The following ABCA8 variants were observed in gnomAD, a reference collection of about 807,000 sequenced individuals.
ABCA8 encodes the protein ATP binding cassette subfamily A member 8, also known as ABC-type organic anion transporter ABCA8.
In ABCA8, 177 loss-of-function variants were observed where a neutral mutation model predicts 192.3. The ratio of observed to expected loss-of-function variants is 0.92; its 90% CI spans 0.81 to 1.04. ABCA8 has a LOEUF of 1.04. Among genes scored for constraint, ABCA8 ranks in the 50% least tolerant of loss-of-function variants. The pLI, the probability that ABCA8 is intolerant of heterozygous loss-of-function variation, is 0.00. For missense variants in ABCA8, 1,915 were observed against 1,904.8 expected, an observed-to-expected ratio of 1.01 and a Z score of -0.10; for synonymous variants, 642 against 690.2, an observed-to-expected ratio of 0.93 and a Z score of 1.09.
chr17:68,932,470 A>G lies in ABCA8; in HGVS notation c.615T>C (p.Thr205=), dbSNP rs897928773. The G allele has an allele frequency of 7.4e-6, 12 of 1,613,994 alleles. No individual in the cohort carries two copies. The highest frequency in any genetic ancestry group is 6.7e-5 in the African/African-American group (5 of 75,074). ...HSVMEELMSV[T]GKNMKMHSFI... is the part of the protein sequence containing the mutation. ...AGGAATGCATCTTCATATTTTTTCC[A>G]GTAACTGACATCAGCTCCTCCATCA... Residue 205 remains threonine, a synonymous_variant, in exon 7 of 40, where the codon ACT becomes ACC. Coordinates refer to ENST00000586539, the MANE Select transcript of ABCA8 (RefSeq NM_001288985.2).
At chr17:68,945,074 G>C (rs1289072839) in intron 2 of ABCA8, among the ~76,000 whole-genome samples, 1 of 152,166 alleles carries the variant, frequency 6.6e-6, no homozygotes, top group African/African-American at 2.4e-5. Flanking sequence ...CTATGGATGG[G>C]GGAAGGGTAA....
chr17:68,868,447 A>C (rs548386936), intron 38 of ABCA8, 91 bp from the exon 39 acceptor site: 3 of 1,105,318 alleles, frequency 2.7e-6, no homozygotes, highest in Non-Finnish European at 4.0e-6. Flanking sequence ...ATTTTTTAAA[A>C]ATCTTAAATA....
rs974668021 is a variant in ABCA8 at position 68,868,014 on chromosome 17, C to A, written c.*71G>T. On this transcript the variant is annotated 3_prime_UTR_variant, in exon 40 of 40. Transcript: ENST00000586539. ...TATAATATAGTTTCTAAAAATAGAA[C>A]ATTGCTGCTATAAAAATAAATGTAT... is the stretch of plus-strand genomic sequence containing the variant. 9 of 1,097,096 alleles carry A rather than the reference C, an allele frequency of 8.2e-6. No homozygotes were observed. In the African/African-American group the frequency reaches 1.3e-4, roughly 16 times the overall value. 68.0% of individuals were successfully genotyped at this position (1,097,096 alleles called of 1,614,324 possible). A position where few individuals can be genotyped will look rare whatever the true frequency, so the allele number is the denominator to read the frequency against.
chr17:68,876,211 G>A (rs917711242), intron 35 of ABCA8: 28 of 560,238 alleles, frequency 5.0e-5, no homozygotes, highest in East Asian at 1.9e-4. Flanking sequence ...TCAGCTGAGC[G>A]CTTATGAAAC....
chr17:68,905,464 C>T (rs907769047), intron 19 of ABCA8, among the ~76,000 whole-genome samples: 29 of 152,052 alleles, frequency 1.9e-4, no homozygotes, highest in African/African-American at 7.0e-4. Flanking sequence ...TAAAAAAGAA[C>T]AAATGAAAAT....
At position 68,881,138 on chromosome 17, in the gene ABCA8, T is replaced by C; in HGVS notation, c.4020A>G (p.Thr1340=). 6.2e-7 allele frequency: 1 copy of C among 1,613,348 alleles called. No individual in the cohort carries two copies. ...CACCTACTTGTCCAGCAGTTGGTTT[T>C]GTGTCTCCAGTTATCACCTTAATGG... is the stretch of plus-strand genomic sequence containing the variant. ...STSIKVITGD[T]KPTAGQVLLK... is the part of the protein sequence containing the mutation. The change falls in exon 32 of 40, where the codon ACA becomes ACG. Residue 1340 remains threonine (T), a synonymous_variant. Coordinates refer to ENST00000586539, the MANE Select transcript of ABCA8 (RefSeq NM_001288985.2).
chr17:68,871,401 G>A (rs369546025), intron 37 of ABCA8, among the ~76,000 whole-genome samples: 57 of 152,064 alleles, frequency 3.7e-4, no homozygotes, highest in African/African-American at 1.1e-3. Context: ...ATTAAATTCC[G>A]ACATGAGTTT....
intron 17 of ABCA8, 123 bp from the exon 18 acceptor site, chr17:68,908,002 TCAGA>T (rs1201370938): frequency 1.3e-4 from 122 of 927,528 alleles, no homozygotes; most frequent in Non-Finnish European, 1.6e-4. Context: ...CAGAAATAGG[TCAGA>T]CAAACACAAA....
chr17:68,887,950 A>AG lies in ABCA8; in HGVS notation c.3145-445_3145-444insC, dbSNP rs1382250063. Among the ~76,000 whole-genome samples the AG allele has an allele frequency of 4.2e-3, 361 of 86,232 alleles. 20 individuals are homozygous for AG. Among genetic ancestry groups the AG allele is most frequent in the African/African-American group, 0.015 (348 of 23,386 alleles). 56.6% of individuals were successfully genotyped at this position (86,232 alleles called of 152,430 possible). A position where few individuals can be genotyped will look rare whatever the true frequency, so the allele number is the denominator to read the frequency against. ...TTATATATGGATATATATATTATAT[A>AG]TATGGATATATATACACACACATAT... On this transcript the variant is annotated intron_variant, in intron 24 of 39. Coordinates refer to ENST00000586539, the MANE Select transcript of ABCA8 (RefSeq NM_001288985.2).
intron 11 of ABCA8, among the ~76,000 whole-genome samples, 155 bp from the exon 12 acceptor site, chr17:68,922,455 A>G (rs1470948394): frequency 6.6e-6 from 1 of 151,946 alleles, no homozygotes; most frequent in East Asian, 1.9e-4. Context: ...AATCAGCTAG[A>G]ATACCGCTTG....
Position 68,918,631 on chromosome 17 carries a change from T to C in ABCA8, c.1789-85A>G, listed in dbSNP as rs2067449820. On this transcript the variant is annotated intron_variant, in intron 14 of 39. Transcript: ENST00000586539. The stretch of plus-strand genomic sequence containing the variant: ...TAAATACAAGGCTGTAAAGTGTAAA[T>C]GGTTAAAAGCACAAACACTGGGTCA... 7 of 1,343,602 alleles carry C rather than the reference T, an allele frequency of 5.2e-6. No individual in the cohort carries two copies. The Admixed American group carries it at 1.9e-4, about 37-fold the overall frequency. 83.2% of individuals were successfully genotyped at this position (1,343,602 alleles called of 1,614,324 possible).
At chr17:68,903,615 T>C in intron 19 of ABCA8, 116 bp from the exon 20 acceptor site, 1 of 906,788 alleles carries the variant, frequency 1.1e-6, no homozygotes, top group South Asian at 1.7e-5. Context: ...ATAACGTGGT[T>C]TTGCTGGTTA....
In ABCA8 at chr17:68,933,082, T is replaced by C. The variant is rs111745207; in HGVS notation, c.570+86A>G. ...AAAGGAAATAACAAGGCTATCCACT[T>C]ATATTTTCTTCCATGAAACTTTTGA... On this transcript the variant is annotated intron_variant, in intron 6 of 39. Transcript: ENST00000586539. The C allele has an allele frequency of 6.1e-4, 561 of 920,780 alleles. 2 individuals are homozygous for C. The African/African-American group carries it at 8.0e-3, about 13-fold the overall frequency. 57.0% of individuals were successfully genotyped at this position (920,780 alleles called of 1,614,324 possible).
chr17:68,871,355 CACCTGGTCCT>C (rs2066046494), intron 37 of ABCA8, among the ~76,000 whole-genome samples: 1 of 152,112 alleles, frequency 6.6e-6, no homozygotes, highest in East Asian at 1.9e-4. Flanking sequence ...TTAAAGGTCC[CACCTGGTCCT>C]ACCTTTTAAT....
intron 9 of ABCA8, among the ~76,000 whole-genome samples, chr17:68,928,576 G>C (rs1476023066): frequency 6.6e-6 from 1 of 152,188 alleles, no homozygotes; most frequent in Non-Finnish European, 1.5e-5. Context: ...CATTTAGTTA[G>C]AGGGAAGGCA....
At chr17:68,882,826 A>G in intron 29 of ABCA8, 107 bp from the exon 30 acceptor site, 2 of 1,001,762 alleles carry the variant, frequency 2.0e-6, no homozygotes, top group East Asian at 2.5e-5. Context: ...TTAACAAACC[A>G]TCATAATCTC....
chr17:68,918,371 A>C, intron 15 of ABCA8, 56 bp downstream of exon 15: 1 of 1,531,924 alleles, frequency 6.5e-7, no homozygotes, highest in Non-Finnish European at 8.7e-7. Flanking sequence ...TTGAACTATT[A>C]CCAAAAGTTC....
At chr17:68,944,502 C>T (rs548823330) in intron 2 of ABCA8, 1 of 151,090 alleles carries the variant, frequency 6.6e-6, no homozygotes, top group Admixed American at 6.6e-5. Flanking sequence ...CCCTGTCAGC[C>T]CCACAAAACA....
intron 7 of ABCA8, among the ~76,000 whole-genome samples, chr17:68,930,184 C>A (rs1056789680): frequency 3.9e-5 from 6 of 152,080 alleles, no homozygotes; most frequent in African/African-American, 1.2e-4. Context: ...ACAGGGTAGC[C>A]CCTCAGTGAA....
Sources: allele counts gnomAD v4.1 joint callset (sites outside exome capture counted in the v4.1 genomes callset), GRCh38; gene constraint gnomAD v4.1.1; transcripts MANE v1.5; gene names NCBI Gene and HGNC (gene_info 2026-07-23, HGNC 2026-07-21).